CDH23: variants seen among roughly 807,000 people sequenced by gnomAD.
The protein encoded by CDH23 is cadherin related 23.
Under a neutral mutation model 317.1 loss-of-function variants are expected in CDH23, and 189 were observed. The ratio of observed to expected loss-of-function variants is 0.60; its 90% CI spans 0.53 to 0.67. CDH23 has a LOEUF of 0.67. CDH23 is among the 30% of genes least tolerant of loss of function. CDH23 has a pLI of 0.00. For missense variants in CDH23, 4,401 were observed against 4,592.4 expected (o/e 0.96, Z 1.20); for synonymous variants, 1,839 against 1,876.8 (o/e 0.98, Z 0.52).
chr10:71,641,206 G>A (rs1017430170), intron 11 of CDH23, among the ~76,000 whole-genome samples: 2 of 152,232 alleles, frequency 1.3e-5, no homozygotes, highest in Non-Finnish European at 2.9e-5. Flanking sequence ...ATGCAGTGTG[G>A]TTCCCTGGGG....
intron 34 of CDH23, among the ~76,000 whole-genome samples, chr10:71,735,838 C>T (rs538092353): frequency 1.2e-4 from 19 of 152,344 alleles, no homozygotes; most frequent in African/African-American, 4.1e-4. Context: ...GAAGTCTCCA[C>T]AGCTCCCCTC....
At chr10:71,709,321 T>A (rs979985694) in intron 27 of CDH23, 110 bp downstream of exon 27, 21 of 918,518 alleles carry the variant, frequency 2.3e-5, no homozygotes, top group Non-Finnish European at 3.3e-5. Context: ...CAGATGCCAG[T>A]GGAGAAAGGG....
At chr10:71,709,978 T>G (rs1865916115) in intron 27 of CDH23, among the ~76,000 whole-genome samples, 1 of 152,104 alleles carries the variant, frequency 6.6e-6, no homozygotes, top group Non-Finnish European at 1.5e-5. Context: ...TAGAAACCCC[T>G]GATAAAACCA....
intron 3 of CDH23, among the ~76,000 whole-genome samples, chr10:71,453,647 G>A (rs1210941070): frequency 5.3e-5 from 8 of 152,254 alleles, no homozygotes; most frequent in African/African-American, 1.9e-4. Flanking sequence ...TTAAAGAGGA[G>A]AAGCATCTCT....
chr10:71,741,945 G>A, intron 38 of CDH23, 24 bp downstream of exon 38: 1 of 1,544,272 alleles, frequency 6.5e-7, no homozygotes, highest in East Asian at 2.4e-5. Flanking sequence ...GTGGCCACAG[G>A]GAGGAGCGGG....
In CDH23 at chr10:71,695,515, A is replaced by C. The variant is rs761174037; in HGVS notation, c.2387A>C (p.Asp796Ala). Residue 796 changes from aspartate to alanine, a missense_variant, in exon 22 of 70, where the codon GAT becomes GCT. Transcript: ENST00000224721. ...GTGGAGATGACCCCTCCAGACTCTG[A>C]TGTGACCACGGTAGGTGGTGGCAGA... ...NLVEMTPPDS[D>A]VTTVVAVDPD... 1.3e-5 allele frequency: 21 copies of C among 1,611,150 alleles called. No homozygotes were observed. Among genetic ancestry groups the C allele is most frequent in the Non-Finnish European group, 1.7e-5 (20 of 1,177,452 alleles).
intron 38 of CDH23, chr10:71,748,832 C>G (rs1385967621): frequency 6.5e-6 from 1 of 152,736 alleles, no homozygotes; most frequent in East Asian, 1.9e-4. Context: ...CCCTCCCCAG[C>G]AGCAGCAGGG....
chr10:71,753,075 G>A, intron 38 of CDH23: 1 of 1,556,954 alleles, frequency 6.4e-7, no homozygotes, highest in Non-Finnish European at 8.8e-7. Context: ...GCCCCTGCTG[G>A]CAGATGCCCT....
intron 44 of CDH23, among the ~76,000 whole-genome samples, chr10:71,788,683 C>T (rs1039985688): frequency 1.3e-5 from 2 of 151,962 alleles, no homozygotes; most frequent in African/African-American, 2.4e-5. Flanking sequence ...TCTCGATCTC[C>T]TGACCTCGTG....
chr10:71,693,560 C>T lies in CDH23; in HGVS notation c.2177-587C>T, dbSNP rs147138365. On this transcript the variant is annotated intron_variant, in intron 20 of 69. Transcript: ENST00000224721. ...GTCCAGTAATGAGTCACAAGTTAGA[C>T]GCATGTGAACACCCGGTGTTTTTAT... is the stretch of plus-strand genomic sequence containing the variant. 5.3e-3 allele frequency among the ~76,000 whole-genome samples: 807 copies of T among 152,248 alleles called. 10 individuals are homozygous for T. Among genetic ancestry groups the T allele is most frequent in the African/African-American group, 0.018 (759 of 41,546 alleles).
intron 9 of CDH23, among the ~76,000 whole-genome samples, chr10:71,587,578 A>G (rs985347342): frequency 1.3e-5 from 2 of 152,216 alleles, no homozygotes; most frequent in Non-Finnish European, 2.9e-5. Flanking sequence ...GGTACCTAGG[A>G]AGGCATCTAG....
chr10:71,813,387 C>T, intron 69 of CDH23, 39 bp downstream of exon 69: 1 of 1,497,934 alleles, frequency 6.7e-7, no homozygotes, highest in Non-Finnish European at 9.1e-7. Context: ...TGCTGTGCCC[C>T]AGCCTGGGGA....
chr10:71,809,167 C>CTTTTTTTTTTTTTTTT (rs61078259), intron 60 of CDH23, among the ~76,000 whole-genome samples: 4 of 68,828 alleles, frequency 5.8e-5, no homozygotes, highest in Non-Finnish European at 7.5e-5. Flanking sequence ...TTTCTTTTTC[C>CTTTTTTTTTTTTTTTT]TTTTTTTTTT....
At chr10:71,401,887 A>G (rs979785070) in intron 1 of CDH23, among the ~76,000 whole-genome samples, 1 of 152,220 alleles carries the variant, frequency 6.6e-6, no homozygotes, top group African/African-American at 2.4e-5. Context: ...AAACATTAGA[A>G]CATTTATAGG....
At chr10:71,697,882 C>A (rs572711213) in intron 22 of CDH23, among the ~76,000 whole-genome samples, 1 of 152,188 alleles carries the variant, frequency 6.6e-6, no homozygotes, top group South Asian at 2.1e-4. Flanking sequence ...GCTGTTCCAC[C>A]GCTGGCGTCA....
intron 30 of CDH23, among the ~76,000 whole-genome samples, chr10:71,726,263 A>T (rs1866805439): frequency 6.6e-6 from 1 of 151,948 alleles, no homozygotes; most frequent in Non-Finnish European, 1.5e-5. Context: ...AGACATCAGG[A>T]GTAGGAGGGA....
chr10:71,499,651 C>T (rs1853169849), intron 3 of CDH23, among the ~76,000 whole-genome samples: 3 of 151,676 alleles, frequency 2.0e-5, no homozygotes, highest in South Asian at 4.2e-4. Context: ...ATCAGCCTGA[C>T]CAACATGGAG....
intron 38 of CDH23, chr10:71,755,109 T>C (rs1223901562): frequency 3.1e-6 from 2 of 637,898 alleles, no homozygotes; most frequent in Non-Finnish European, 5.8e-6. Flanking sequence ...TCAGAAGACA[T>C]GTATTGAGTG....
rs187093283 is a variant in CDH23 at position 71,738,909 on chromosome 10, C to A, written c.4359+262C>A. Among the ~76,000 whole-genome samples, 30 of 152,388 alleles carry A rather than the reference C, an allele frequency of 2.0e-4. 2 individuals carry two copies. The South Asian group carries it at 6.0e-3, about 30-fold the overall frequency. ...GCAACCCCTCAGTGAAGTTGTTTTC[C>A]GGGTAACTCCTTCCCACGCAGCCCC... On this transcript the variant is annotated intron_variant, in intron 35 of 69. Transcript: ENST00000224721.
Sources: allele counts gnomAD v4.1 joint callset (sites outside exome capture counted in the v4.1 genomes callset), GRCh38; gene constraint gnomAD v4.1.1; transcripts MANE v1.5; gene names NCBI Gene and HGNC (gene_info 2026-07-23, HGNC 2026-07-21).